Variants in RBFOX1 observed in about 807,000 individuals in gnomAD.
RBFOX1 encodes RNA binding fox-1 homolog 1, also known as RNA binding protein fox-1 homolog 1.
RBFOX1 carries 8 observed loss-of-function variants against 57.7 expected under a neutral mutation model. The observed-to-expected ratio is 0.14, with a 90% CI of 0.08 to 0.25. RBFOX1 has a LOEUF of 0.25. Among genes scored for constraint, RBFOX1 ranks in the 10% least tolerant of loss-of-function variants. RBFOX1 has a pLI of 1.00. For missense variants in RBFOX1, 611 were observed against 548.5 expected, an observed-to-expected ratio of 1.11 and a Z score of -1.14; for synonymous variants, 326 against 222.4, an observed-to-expected ratio of 1.47 and a Z score of -4.15.
chr16:5,602,358 G>C (rs922739159), downstream of RBFOX1, among the ~76,000 whole-genome samples: 1 of 152,192 alleles, frequency 6.6e-6, no homozygotes, highest in Non-Finnish European at 1.5e-5. Flanking sequence ...TATTTATTAA[G>C]GAAATGATTG....
At chr16:6,561,799 T>A (rs982314566) in intron 2 of RBFOX1, among the ~76,000 whole-genome samples, 1 of 152,206 alleles carries the variant, frequency 6.6e-6, no homozygotes, top group African/African-American at 2.4e-5. Context: ...TTTCTGAACA[T>A]GTGTAGGGGC....
At chr16:6,553,209 G>T (rs1049416403) in intron 2 of RBFOX1, among the ~76,000 whole-genome samples, 10 of 152,206 alleles carry the variant, frequency 6.6e-5, no homozygotes, top group Non-Finnish European at 1.3e-4. Context: ...CTCACGCTAT[G>T]GATTTGAGAT....
At chr16:5,478,772 G>A (rs763892039) in intron 2 of RBFOX1, among the ~76,000 whole-genome samples, 3 of 152,118 alleles carry the variant, frequency 2.0e-5, no homozygotes, top group African/African-American at 4.8e-5. Flanking sequence ...GGGCAATAGG[G>A]AGCCATAGTA....
intron 3 of RBFOX1, among the ~76,000 whole-genome samples, chr16:5,655,577 G>A (rs1432934164): frequency 6.6e-6 from 1 of 152,106 alleles, no homozygotes; most frequent in Non-Finnish European, 1.5e-5. Context: ...AACTGCAAAG[G>A]GAATGATTGG....
rs529299352 is a variant in RBFOX1 at position 7,501,112 on chromosome 16, A to G, written c.28-17035A>G. On this transcript the variant is annotated intron_variant, in intron 4 of 15. Transcript: ENST00000550418. ...CTTTATAAATTACCCAGCCTCAGAT[A>G]TGTCTTTACTTGCAGTGTGAGAACA... is the stretch of plus-strand genomic sequence containing the variant. Among the ~76,000 whole-genome samples, 242 of 152,296 alleles carry G rather than the reference A, an allele frequency of 1.6e-3. 3 individuals carry two copies. Among genetic ancestry groups the G allele is most frequent in the Middle Eastern group, 6.8e-3 (2 of 294 alleles).
chr16:6,795,906 T>A (rs1238500907), intron 3 of RBFOX1, among the ~76,000 whole-genome samples: 1 of 152,166 alleles, frequency 6.6e-6, no homozygotes, highest in Non-Finnish European at 1.5e-5. Context: ...TCTTATGTTT[T>A]TATTGTGTTT....
At chr16:6,055,419 C>T (rs1185658773) in intron 1 of RBFOX1, among the ~76,000 whole-genome samples, 2 of 151,418 alleles carry the variant, frequency 1.3e-5, no homozygotes, top group East Asian at 3.9e-4. Context: ...ATGGTGAGAC[C>T]CCATCTCTAC....
At position 7,112,679 on chromosome 16, in the gene RBFOX1, G is replaced by GTGTGTGTGTGTGTGTGTGTGTGT. The variant is rs369771164; in HGVS notation, c.27+60581_27+60582insTGTGTGTGTGTGTGTGTGTGTGT. Among the ~76,000 whole-genome samples, 210 of 141,974 alleles carry GTGTGTGTGTGTGTGTGTGTGTGT rather than the reference G, an allele frequency of 1.5e-3. 1 individual carries two copies. The highest frequency in any genetic ancestry group is 3.2e-3 in the East Asian group (15 of 4,754). 93.1% of individuals were successfully genotyped at this position (141,974 alleles called of 152,430 possible). Reference sequence around the variant, plus strand: ...TATGTAAACTCTGTGTGTGTGTGTGGGTGTGGGTGTGTCTCTCTGTCTGTC... The same window carrying GTGTGTGTGTGTGTGTGTGTGTGT: ...TATGTAAACTCTGTGTGTGTGTGTGGTGTGTGTGTGTGTGTGTGTGTGTGTGTGGGTGTGTCTCTCTGTCTGTC... On this transcript the variant is annotated intron_variant, in intron 4 of 15. Coordinates refer to ENST00000550418, the MANE Select transcript of RBFOX1 (RefSeq NM_018723.4).
chr16:7,112,506 C>G (rs1050776272), intron 4 of RBFOX1, among the ~76,000 whole-genome samples: 1 of 152,044 alleles, frequency 6.6e-6, no homozygotes, highest in African/African-American at 2.4e-5. Flanking sequence ...CGTGCCCAGC[C>G]TAACAAACAT....
intron 3 of RBFOX1, among the ~76,000 whole-genome samples, chr16:6,822,499 G>A (rs1270820869): frequency 2.0e-5 from 3 of 152,216 alleles, no homozygotes; most frequent in African/African-American, 4.8e-5. Context: ...ATCAATCTGA[G>A]TTTCACAACA....
chr16:5,323,990 T>C (rs1403350067), intron 1 of RBFOX1, among the ~76,000 whole-genome samples: 1 of 152,230 alleles, frequency 6.6e-6, no homozygotes, highest in Non-Finnish European at 1.5e-5. Context: ...TGCTTAATGA[T>C]TTTGAAAGTG....
rs569011933 is a variant in RBFOX1, at chr16:5,555,102, C to T, written c.259-43800C>T. Among the ~76,000 whole-genome samples the T allele has an allele frequency of 2.3e-3, 343 of 152,158 alleles. 1 individual carries two copies. Among genetic ancestry groups the T allele is most frequent in the Non-Finnish European group, 3.9e-3 (263 of 68,034 alleles). On this transcript the variant is annotated intron_variant, in intron 2 of 2. Coordinates refer to the RBFOX1 transcript ENST00000585867. ...TTGTGTGTTTGTGACATGTGGGGCT[C>T]TCTAAAGCCCGGGGTACAGGGCAAG...
chr16:7,213,487 T>A (rs1002137893), intron 4 of RBFOX1, among the ~76,000 whole-genome samples: 33 of 152,134 alleles, frequency 2.2e-4, no homozygotes, highest in African/African-American at 8.0e-4. Flanking sequence ...GTTCCAAGTT[T>A]TCATGAATGA....
intron 3 of RBFOX1, among the ~76,000 whole-genome samples, chr16:7,008,169 A>T (rs1284535029): frequency 6.6e-6 from 1 of 152,198 alleles, no homozygotes; most frequent in African/African-American, 2.4e-5. Context: ...AATAGTTGTT[A>T]CCGAAGAAAA....
chr16:7,619,155 T>C (rs941690244), intron 10 of RBFOX1, among the ~76,000 whole-genome samples: 14 of 152,302 alleles, frequency 9.2e-5, no homozygotes, highest in African/African-American at 2.2e-4. Context: ...TGCACACTTA[T>C]TGTATTAAAC....
At chr16:7,405,050 G>A (rs923343949) in intron 4 of RBFOX1, among the ~76,000 whole-genome samples, 1 of 152,214 alleles carries the variant, frequency 6.6e-6, no homozygotes, top group African/African-American at 2.4e-5. Context: ...ACGCATAAGG[G>A]TGTGTTTTCA....
chr16:6,938,870 A>T (rs6500885), intron 3 of RBFOX1, among the ~76,000 whole-genome samples: 31,386 of 151,998 alleles, frequency 0.21, 3,867 homozygotes, highest in African/African-American at 0.36. Context: ...AGGCAGAGGT[A>T]GCAGTGAGCC....
intron 3 of RBFOX1, among the ~76,000 whole-genome samples, chr16:6,878,886 C>G (rs1212647426): frequency 1.3e-5 from 2 of 152,126 alleles, no homozygotes; most frequent in Non-Finnish European, 2.9e-5. Flanking sequence ...TTTGATAGTT[C>G]TCCCAGTACC....
rs79320393 is a variant in RBFOX1 at position 7,024,781 on chromosome 16, C to T, written c.-15-27276C>T. 4.3e-3 allele frequency among the ~76,000 whole-genome samples: 649 copies of T among 152,326 alleles called. 6 individuals carry two copies. The highest frequency in any genetic ancestry group is 0.015 in the African/African-American group (611 of 41,580). Reference sequence around the variant, plus strand: ...GTGCATTCAATGTTGAGTTCAGAGCCATTCCCTGCAATTCCCTCTGGACCC... The same window carrying T: ...GTGCATTCAATGTTGAGTTCAGAGCTATTCCCTGCAATTCCCTCTGGACCC... On this transcript the variant is annotated intron_variant, in intron 3 of 15. Transcript: ENST00000550418.
Sources: allele counts gnomAD v4.1 joint callset (sites outside exome capture counted in the v4.1 genomes callset), GRCh38; gene constraint gnomAD v4.1.1; transcripts MANE v1.5; gene names NCBI Gene and HGNC (gene_info 2026-07-23, HGNC 2026-07-21).